The following ICA1L variants were observed in gnomAD, a reference collection of about 807,000 sequenced individuals.
The protein encoded by ICA1L is islet cell autoantigen 1-like protein.
Under a neutral mutation model 61.3 loss-of-function variants are expected in ICA1L, and 50 were observed. The observed-to-expected ratio is 0.82, with a 90% CI of 0.65 to 1.03. ICA1L has a LOEUF of 1.03. ICA1L is among the 50% of genes least tolerant of loss of function. The probability of loss-of-function intolerance (pLI) is 0.00; values close to 1 mark genes in which losing one functional copy is unlikely to be tolerated. For missense variants in ICA1L, 508 were observed against 556.7 expected (o/e 0.91, Z 0.88); for synonymous variants, 161 against 191.3 (o/e 0.84, Z 1.31).
chr2:202,794,655 A>G (rs748791145), intron 10 of ICA1L, among the ~76,000 whole-genome samples: 2 of 152,238 alleles, frequency 1.3e-5, no homozygotes, highest in Non-Finnish European at 2.9e-5. Context: ...ATACCAGGAT[A>G]TAAAACTAAC....
In ICA1L at chr2:202,821,383, C is replaced by G; in HGVS notation, c.334G>C (p.Ala112Pro). 1 of 1,613,332 alleles carries G rather than the reference C, an allele frequency of 6.2e-7. No individual in the cohort carries two copies. Among genetic ancestry groups the G allele is most frequent in the Non-Finnish European group, 8.5e-7 (1 of 1,179,710 alleles). The change falls in exon 4 of 13, where the codon GCA becomes CCA. Residue 112 changes from alanine (A) to proline (P), a missense_variant. Coordinates refer to ENST00000358299, the MANE Select transcript of ICA1L (RefSeq NM_001288622.3). ...AGKMMDATGK[A>P]LCSSAKQRLA... is the part of the protein sequence containing the mutation. ...CTTTGCTTGGCTGAAGAACAAAGTG[C>G]CTTGCCAGTGGCATCCATCATTTTG... is the stretch of plus-strand genomic sequence containing the variant.
intron 7 of ICA1L, 75 bp from the exon 8 acceptor site, chr2:202,814,859 TA>T (rs773343615): frequency 2.0e-6 from 2 of 995,024 alleles, no homozygotes; most frequent in Non-Finnish European, 1.6e-6. Context: ...AATGAGAATA[TA>T]AATTCTAAAG....
In ICA1L at chr2:202,869,305, C is replaced by A. The variant is rs1046239287; in HGVS notation, c.-8+2314G>T. Among the ~76,000 whole-genome samples the A allele has an allele frequency of 5.3e-5, 8 of 152,190 alleles. No individual in the cohort carries two copies. The South Asian group carries it at 1.7e-3, about 32-fold the overall frequency. On this transcript the variant is annotated intron_variant, in intron 1 of 12. Transcript: ENST00000358299. ...CCCGGGAGGCGGAGCTTGCAGTGAG[C>A]CGAGATCCTGCCACTGCACTCAGCC...
intron 12 of ICA1L, among the ~76,000 whole-genome samples, chr2:202,784,525 A>G (rs1355061786): frequency 6.6e-6 from 1 of 152,242 alleles, no homozygotes; most frequent in East Asian, 1.9e-4. Flanking sequence ...TTTACAGCAG[A>G]GTATTGACCA....
At chr2:202,802,034 C>A (rs1030084245) in intron 9 of ICA1L, among the ~76,000 whole-genome samples, 1 of 152,088 alleles carries the variant, frequency 6.6e-6, no homozygotes, top group African/African-American at 2.4e-5. Context: ...TAGATTTAGA[C>A]CCCCCAAGGA....
At position 202,779,416 on chromosome 2, in the gene ICA1L, G is replaced by C. The variant is rs1368053045; in HGVS notation, c.*117C>G. Reference sequence around the variant, plus strand: ...ATCTGTCTAAAGTTGGCTGACAGGTGTTATATTCACAAACACCGTGCTTTT... The same window carrying C: ...ATCTGTCTAAAGTTGGCTGACAGGTCTTATATTCACAAACACCGTGCTTTT... On this transcript the variant is annotated 3_prime_UTR_variant, in exon 13 of 13. Transcript: ENST00000358299. 6.7e-6 allele frequency: 4 copies of C among 597,830 alleles called. No homozygotes were observed. The highest frequency in any genetic ancestry group is 1.2e-5 in the Non-Finnish European group (4 of 342,426). 37.0% of individuals were successfully genotyped at this position (597,830 alleles called of 1,614,324 possible). A position where few individuals can be genotyped will look rare whatever the true frequency, so the allele number is the denominator to read the frequency against.
intron 10 of ICA1L, 49 bp downstream of exon 10, chr2:202,796,841 T>C (rs1333957026): frequency 8.8e-7 from 1 of 1,130,658 alleles, no homozygotes; most frequent in Non-Finnish European, 1.3e-6. Flanking sequence ...TAAATAAAAA[T>C]TGAAGAATTT....
At chr2:202,851,868 G>A (rs1310302663) in intron 1 of ICA1L, among the ~76,000 whole-genome samples, 1 of 152,006 alleles carries the variant, frequency 6.6e-6, no homozygotes, top group Non-Finnish European at 1.5e-5. Context: ...TTTTTTCCTT[G>A]TAAATTTGTT....
chr2:202,821,111 G>A (rs1693690737), intron 4 of ICA1L, among the ~76,000 whole-genome samples: 1 of 152,060 alleles, frequency 6.6e-6, no homozygotes, highest in Non-Finnish European at 1.5e-5. Context: ...GGAAATAAAA[G>A]AAATATAAAT....
intron 9 of ICA1L, among the ~76,000 whole-genome samples, chr2:202,808,789 T>C (rs1003368480): frequency 1.3e-5 from 2 of 152,198 alleles, no homozygotes; most frequent in African/African-American, 2.4e-5. Context: ...ATCTCTACAA[T>C]TGTGCAAGAG....
rs1292389766 is a variant in ICA1L, at chr2:202,776,911, G to A, written c.*2622C>T. 2.0e-5 allele frequency: 3 copies of A among 152,082 alleles called. No individual in the cohort carries two copies. The highest frequency in any genetic ancestry group is 7.2e-5 in the African/African-American group (3 of 41,384). 9.4% of individuals were successfully genotyped at this position (152,082 alleles called of 1,614,324 possible). ...CTTTGGGTTTCTGCTTTGTCTGCTT[G>A]TTAAAGTATCTGTATTCGATAACAG... On this transcript the variant is annotated 3_prime_UTR_variant, in exon 13 of 13. Transcript: ENST00000358299.
chr2:202,777,876 C>CTTTTTTTTT lies in ICA1L; in HGVS notation c.*1648_*1656dup, dbSNP rs905067239. On this transcript the variant is annotated 3_prime_UTR_variant, in exon 13 of 13. Transcript: ENST00000358299. ...ACTGTGAATAACTTAGTTAAAATGT[C>CTTTTTTTTT]TTTTTTTTTTTTTTTTTTTTTTGAG... 6 of 116,908 alleles carry CTTTTTTTTT rather than the reference C, an allele frequency of 5.1e-5. No homozygotes were observed. Among genetic ancestry groups the CTTTTTTTTT allele is most frequent in the African/African-American group, 1.7e-4 (5 of 29,736 alleles). The allele number at this position is 116,908 out of a possible 1,614,324, so 7.2% of individuals were successfully genotyped here.
chr2:202,817,837 C>CTAA (rs1693582904), intron 5 of ICA1L, among the ~76,000 whole-genome samples: 1 of 152,046 alleles, frequency 6.6e-6, no homozygotes, highest in Admixed American at 6.6e-5. Context: ...AAAGAAACAT[C>CTAA]TAAAACTATT....
intron 9 of ICA1L, among the ~76,000 whole-genome samples, chr2:202,799,023 T>A (rs111895558): frequency 6.6e-6 from 1 of 152,228 alleles, no homozygotes; most frequent in South Asian, 2.1e-4. Context: ...CATTCATCCA[T>A]TGATGGACAC....
At chr2:202,817,085 G>C (rs1350492812) in intron 6 of ICA1L, among the ~76,000 whole-genome samples, 1 of 152,186 alleles carries the variant, frequency 6.6e-6, no homozygotes, top group African/African-American at 2.4e-5. Flanking sequence ...AGATGAAATT[G>C]TATGTAGAAC....
At chr2:202,847,937 G>A (rs560896465) in intron 1 of ICA1L, among the ~76,000 whole-genome samples, 10 of 151,954 alleles carry the variant, frequency 6.6e-5, no homozygotes, top group South Asian at 4.1e-4. Context: ...GCAGCAATAC[G>A]GATGCAGCTG....
intron 1 of ICA1L, among the ~76,000 whole-genome samples, chr2:202,857,897 A>C (rs1173152852): frequency 1.3e-5 from 2 of 152,238 alleles, no homozygotes; most frequent in Non-Finnish European, 2.9e-5. Context: ...CACTAGAGAA[A>C]TGCAAATCAA....
chr2:202,860,579 C>A (rs1694883256), intron 1 of ICA1L, among the ~76,000 whole-genome samples: 1 of 151,740 alleles, frequency 6.6e-6, no homozygotes, highest in African/African-American at 2.4e-5. Flanking sequence ...TGGTGAAACC[C>A]CGTCTCTCCT....
chr2:202,857,764 TAAAC>T (rs1199557230), intron 1 of ICA1L, among the ~76,000 whole-genome samples: 1 of 151,888 alleles, frequency 6.6e-6, no homozygotes, highest in African/African-American at 2.4e-5. Context: ...ACAAGGAACT[TAAAC>T]AAATTTACAA....
Sources: allele counts gnomAD v4.1 joint callset (sites outside exome capture counted in the v4.1 genomes callset), GRCh38; gene constraint gnomAD v4.1.1; transcripts MANE v1.5; gene names NCBI Gene and HGNC (gene_info 2026-07-23, HGNC 2026-07-21).